The following KCNMB2 variants were observed in gnomAD, a reference collection of about 807,000 sequenced individuals.
KCNMB2 encodes the protein calcium-activated potassium channel subunit beta-2.
In KCNMB2, 9 loss-of-function variants were observed where a neutral mutation model predicts 24.5. The observed-to-expected ratio is 0.37, with a 90% CI of 0.22 to 0.64. The LOEUF is 0.64. Among genes scored for constraint, KCNMB2 ranks in the 30% least tolerant of loss-of-function variants. KCNMB2 has a pLI of 0.63. For synonymous variants in KCNMB2, 109 were observed against 104.4 expected, an observed-to-expected ratio of 1.04 and a Z score of -0.27; for missense variants, 226 against 284.3, an observed-to-expected ratio of 0.79 and a Z score of 1.47.
chr3:178,603,239 T>G (rs1039763964), intron 1 of KCNMB2, among the ~76,000 whole-genome samples: 2 of 152,076 alleles, frequency 1.3e-5, no homozygotes, highest in African/African-American at 4.8e-5. Flanking sequence ...AATAATCAAG[T>G]GTAAGTTATT....
At chr3:178,634,127 G>A (rs1052686673) in intron 1 of KCNMB2, among the ~76,000 whole-genome samples, 7 of 152,076 alleles carry the variant, frequency 4.6e-5, no homozygotes, top group Non-Finnish European at 1.0e-4. Flanking sequence ...CCTGTCTTCT[G>A]AGCCCTCCAA....
At chr3:178,646,011 C>A (rs999065868) in intron 1 of KCNMB2, among the ~76,000 whole-genome samples, 1 of 150,324 alleles carries the variant, frequency 6.7e-6, no homozygotes, top group African/African-American at 2.4e-5. Context: ...GTAAGGCAGA[C>A]CCTCGCGTCT....
chr3:178,603,453 G>A (rs905254024), intron 1 of KCNMB2, among the ~76,000 whole-genome samples: 9 of 151,152 alleles, frequency 6.0e-5, no homozygotes, highest in Admixed American at 2.0e-4. Context: ...AAAGAAATGG[G>A]TCATTTGAGA....
At chr3:178,673,005 A>G (rs1720956479) in intron 1 of KCNMB2, among the ~76,000 whole-genome samples, 1 of 152,124 alleles carries the variant, frequency 6.6e-6, no homozygotes, top group African/African-American at 2.4e-5. Context: ...TGATGGCCCA[A>G]AGAGCCACAA....
chr3:178,786,568 C>T (rs1713107089), intron 1 of KCNMB2, among the ~76,000 whole-genome samples: 1 of 152,072 alleles, frequency 6.6e-6, no homozygotes, highest in African/African-American at 2.4e-5. Flanking sequence ...TTCATTTCGC[C>T]TTCCCATTTG....
In KCNMB2 at chr3:178,697,958, G is replaced by A. The variant is rs57109395; in HGVS notation, c.-67-109385G>A. On this transcript the variant is annotated intron_variant, in intron 1 of 4. Transcript: ENST00000452583. ...ATCTCTTCTATCTTACAGGGTTTCAGCTAAGAGGTCTGCTGTTAGTCTGAT... is the reference window on the plus strand; with the variant it reads ...ATCTCTTCTATCTTACAGGGTTTCAACTAAGAGGTCTGCTGTTAGTCTGAT... Among the ~76,000 whole-genome samples the A allele has an allele frequency of 1.6e-3, 245 of 152,156 alleles. 1 individual carries two copies. The highest frequency in any genetic ancestry group is 5.6e-3 in the African/African-American group (234 of 41,504).
rs557688625 is a variant in KCNMB2, at chr3:178,706,503, T to C, written c.-67-100840T>C. ...CCAATGGGTGCAGATGACATTTGACTAGACACAATATCTGGCCTTGTACCC... is the reference window on the plus strand; with the variant it reads ...CCAATGGGTGCAGATGACATTTGACCAGACACAATATCTGGCCTTGTACCC... On this transcript the variant is annotated intron_variant, in intron 1 of 4. Coordinates refer to ENST00000452583, the MANE Select transcript of KCNMB2 (RefSeq NM_181361.3). 1.2e-3 allele frequency among the ~76,000 whole-genome samples: 184 copies of C among 152,224 alleles called. 4 individuals carry two copies. The highest frequency in any genetic ancestry group is 4.3e-3 in the African/African-American group (179 of 41,538).
chr3:178,649,852 C>A (rs760259210), intron 1 of KCNMB2, among the ~76,000 whole-genome samples: 1 of 151,534 alleles, frequency 6.6e-6, no homozygotes, highest in Non-Finnish European at 1.5e-5. Context: ...TTCAGTTCTG[C>A]TCTGAGCTTA....
At chr3:178,592,270 T>C (rs944534834) in intron 1 of KCNMB2, among the ~76,000 whole-genome samples, 1 of 152,168 alleles carries the variant, frequency 6.6e-6, no homozygotes, top group African/African-American at 2.4e-5. Context: ...CTGAAAGGCA[T>C]AGTTTGACTG....
chr3:178,722,707 A>G (rs1232622436), intron 1 of KCNMB2, among the ~76,000 whole-genome samples: 3 of 152,180 alleles, frequency 2.0e-5, no homozygotes, highest in African/African-American at 7.2e-5. Context: ...AGCCTGGGCA[A>G]CATGGGGAAA....
chr3:178,751,894 T>C (rs1243117567), intron 1 of KCNMB2, among the ~76,000 whole-genome samples: 1 of 152,252 alleles, frequency 6.6e-6, no homozygotes, highest in African/African-American at 2.4e-5. Flanking sequence ...TTACTTCTCT[T>C]AGCCCTCACG....
chr3:178,724,044 C>G (rs190556273), intron 1 of KCNMB2, among the ~76,000 whole-genome samples: 52 of 152,248 alleles, frequency 3.4e-4, no homozygotes, highest in Non-Finnish European at 5.9e-4. Context: ...GCTTTAAGTT[C>G]TTTGAGAAAT....
intron 1 of KCNMB2, among the ~76,000 whole-genome samples, chr3:178,710,772 G>A (rs1722426748): frequency 1.3e-5 from 2 of 152,040 alleles, no homozygotes; most frequent in Admixed American, 1.3e-4. Flanking sequence ...TTTTCCTTGA[G>A]GCTCTTATTA....
At chr3:178,576,486 A>C (rs1172093717) in intron 1 of KCNMB2, among the ~76,000 whole-genome samples, 1 of 152,146 alleles carries the variant, frequency 6.6e-6, no homozygotes, top group Non-Finnish European at 1.5e-5. Flanking sequence ...AAAACCAGCA[A>C]GACAAAACTG....
intron 1 of KCNMB2, among the ~76,000 whole-genome samples, chr3:178,609,432 T>C (rs1363473661): frequency 6.6e-6 from 1 of 151,924 alleles, no homozygotes; most frequent in Non-Finnish European, 1.5e-5. Context: ...GTCAGTTGTC[T>C]CTTCACTTTG....
rs1410056301 is a variant in KCNMB2, at chr3:178,843,022, G to A, written c.*85G>A. 32 of 1,159,484 alleles carry A rather than the reference G, an allele frequency of 2.8e-5. No individual in the cohort carries two copies. Among genetic ancestry groups the A allele is most frequent in the Middle Eastern group, 2.1e-4 (1 of 4,870 alleles). The allele number at this position is 1,159,484 out of a possible 1,614,324, so 71.8% of individuals were successfully genotyped here. A position where few individuals can be genotyped will look rare whatever the true frequency, so the allele number is the denominator to read the frequency against. ...CACCAAAGAACCTTAAGTTTGTAAC[G>A]TGCAGTCTGTTATGAGTTCCCTAAT... is the stretch of plus-strand genomic sequence containing the variant. On this transcript the variant is annotated 3_prime_UTR_variant, in exon 5 of 5. Transcript: ENST00000452583.
chr3:178,673,923 CAT>C (rs530278996), intron 1 of KCNMB2, among the ~76,000 whole-genome samples: 283 of 152,300 alleles, frequency 1.9e-3, no homozygotes, highest in Non-Finnish European at 1.1e-3. Flanking sequence ...CTTTTGCCCA[CAT>C]GTTTTAATAA....
At position 178,581,319 on chromosome 3, in the gene KCNMB2, G is replaced by T. The variant is rs373589028; in HGVS notation, c.-68+44608G>T. On this transcript the variant is annotated intron_variant, in intron 1 of 4. Coordinates refer to ENST00000452583, the MANE Select transcript of KCNMB2 (RefSeq NM_181361.3). ...TGGGAAAACTGGCTAGCCATATGCA[G>T]AAAACTGAAACTGGATCCCTTCCTT... 3.0e-4 allele frequency among the ~76,000 whole-genome samples: 46 copies of T among 152,242 alleles called. No individual in the cohort carries two copies. The South Asian group carries it at 9.3e-3, about 31-fold the overall frequency.
chr3:178,821,230 T>C (rs1470737526), intron 2 of KCNMB2, among the ~76,000 whole-genome samples: 1 of 152,184 alleles, frequency 6.6e-6, no homozygotes, highest in Non-Finnish European at 1.5e-5. Context: ...ATCAGCCTTG[T>C]TAATACTTAC....
Sources: allele counts gnomAD v4.1 joint callset (sites outside exome capture counted in the v4.1 genomes callset), GRCh38; gene constraint gnomAD v4.1.1; transcripts MANE v1.5; gene names NCBI Gene and HGNC (gene_info 2026-07-23, HGNC 2026-07-21).